TMEM132E: variants seen among roughly 807,000 people sequenced by gnomAD.
TMEM132E encodes the protein transmembrane protein 132E.
Under a neutral mutation model 78.5 loss-of-function variants are expected in TMEM132E, and 49 were observed. The observed-to-expected ratio is 0.62, with a 90% CI of 0.50 to 0.79. TMEM132E has a LOEUF of 0.79. TMEM132E is among the 30% of genes least tolerant of loss of function. TMEM132E has a pLI of 0.00. For synonymous variants in TMEM132E, 715 were observed against 670.6 expected (o/e 1.07, Z -1.02); for missense variants, 1,403 against 1,470.9 (o/e 0.95, Z 0.75).
chr17:34,608,822 T>G (rs1351092901), intron 1 of TMEM132E, among the ~76,000 whole-genome samples: 1 of 152,190 alleles, frequency 6.6e-6, no homozygotes, highest in East Asian at 1.9e-4. Context: ...TGTGGCCTCA[T>G]AGGGAACCTC....
intron 3 of TMEM132E, 88 bp from the exon 4 acceptor site, chr17:34,628,922 AGG>A: frequency 6.9e-7 from 1 of 1,450,464 alleles, no homozygotes; most frequent in Non-Finnish European, 9.3e-7. Context: ...GCTGCCGGGG[AGG>A]GGTGGGGTCC....
At chr17:34,617,577 C>T (rs1906824133) in intron 1 of TMEM132E, among the ~76,000 whole-genome samples, 1 of 152,184 alleles carries the variant, frequency 6.6e-6, no homozygotes, top group Non-Finnish European at 1.5e-5. Context: ...ACCAAGCGAG[C>T]AATTTGCTTA....
intron 1 of TMEM132E, among the ~76,000 whole-genome samples, chr17:34,618,468 G>A (rs940414058): frequency 6.6e-6 from 1 of 151,030 alleles, no homozygotes; most frequent in Non-Finnish European, 1.5e-5. Flanking sequence ...CTGGTCTCAA[G>A]CGATCCTCCC....
chr17:34,589,768 G>T (rs963908788), intron 1 of TMEM132E, among the ~76,000 whole-genome samples: 2 of 152,122 alleles, frequency 1.3e-5, no homozygotes, highest in Non-Finnish European at 2.9e-5. Flanking sequence ...ACCGCATGAC[G>T]GCTGCAGCCC....
chr17:34,614,990 C>G (rs1906729607), intron 1 of TMEM132E, among the ~76,000 whole-genome samples: 1 of 152,172 alleles, frequency 6.6e-6, no homozygotes, highest in African/African-American at 2.4e-5. Flanking sequence ...TTGGCCTCCT[C>G]TTGGGATTGC....
chr17:34,626,507 G>C lies in TMEM132E; in HGVS notation c.448G>C (p.Gly150Arg). 6.2e-7 allele frequency: 1 copy of C among 1,609,478 alleles called. No homozygotes were observed. Among genetic ancestry groups the C allele is most frequent in the Non-Finnish European group, 8.5e-7 (1 of 1,179,404 alleles). The change falls in exon 2 of 9, where the codon GGC becomes CGC. Residue 150 changes from glycine to arginine, a missense_variant. Physicochemically the swap from Gly to Arg is moderately radical, Grantham distance 125 (BLOSUM62 -2). Transcript: ENST00000631683. ...GGTCCAGGTGCTGTTCTACGTAGCC[G>C]GCCGGGACTGGGACGACTTCGGCGT... ...PVVQVLFYVA[G>R]RDWDDFGVTE...
At position 34,626,978 on chromosome 17, in the gene TMEM132E, G is replaced by A; in HGVS notation, c.919G>A (p.Glu307Lys). The change falls in exon 2 of 9, where the codon GAA (glutamate) becomes AAA (lysine). Residue 307 changes from glutamate to lysine, a missense_variant. Transcript: ENST00000631683. ...RLPDRPLKPG[E>K]VLSILLYLAP... ...GCCAGACCGGCCCCTCAAGCCCGGG[G>A]AAGTGCTCAGCATCCTCCTCTATCT... The A allele has an allele frequency of 6.2e-7, 1 of 1,613,968 alleles. No homozygotes were observed. The highest frequency in any genetic ancestry group is 1.1e-5 in the South Asian group (1 of 91,088).
chr17:34,638,255 G>GGC lies in TMEM132E; in HGVS notation c.*23_*24insGC, dbSNP rs1369188756. On this transcript the variant is annotated 3_prime_UTR_variant, in exon 9 of 9. Coordinates refer to ENST00000631683, the MANE Select transcript of TMEM132E (RefSeq NM_001304438.2). ...TAGAGGCGCCAGCCGGAGTAGCAGG[G>GGC]ACCCCCCCCCCCAACGGGGTCAGCT... 5.5e-6 allele frequency: 8 copies of GGC among 1,461,534 alleles called. No individual in the cohort carries two copies. The South Asian group carries it at 7.3e-5, about 13-fold the overall frequency. The allele number at this position is 1,461,534 out of a possible 1,614,324, so 90.5% of individuals were successfully genotyped here. A position where few individuals can be genotyped will look rare whatever the true frequency, so the allele number is the denominator to read the frequency against.
chr17:34,610,983 C>A (rs1308802787), intron 1 of TMEM132E, among the ~76,000 whole-genome samples: 3 of 152,218 alleles, frequency 2.0e-5, no homozygotes, highest in African/African-American at 7.2e-5. Flanking sequence ...AAACCTAGAT[C>A]AAATCCAGTG....
rs553628300 is a variant in TMEM132E, at chr17:34,626,201, C to A, written c.142C>A (p.Arg48Ser). 28 of 1,572,552 alleles carry A rather than the reference C, an allele frequency of 1.8e-5. No homozygotes were observed. In the African/African-American group the frequency reaches 3.6e-4, roughly 20 times the overall value. The change falls in exon 2 of 9, where the codon CGC becomes AGC. Residue 48 changes from arginine (R) to serine (S), a missense_variant. By Grantham distance (110) the Arg-to-Ser change is moderately radical. Around this residue, in one of 3 missense-constraint regions of TMEM132E, gnomAD observed 511 missense variants for 499.0 expected, o/e 1.02. Transcript: ENST00000631683. ...QASPVLPVSY[R>S]LSHTRLAFFL... ...CAGCCCGGTGCTGCCAGTCAGCTAC[C>A]GCCTGTCGCACACGCGGCTGGCCTT...
chr17:34,590,455 A>G (rs1322517253), intron 1 of TMEM132E, among the ~76,000 whole-genome samples: 1 of 152,232 alleles, frequency 6.6e-6, no homozygotes, highest in East Asian at 1.9e-4. Flanking sequence ...TTGTGGAGGA[A>G]GAGGGAGAAA....
rs139589417 is a variant in TMEM132E at position 34,618,334 on chromosome 17, C to T, written c.68-7793C>T. Among the ~76,000 whole-genome samples the T allele has an allele frequency of 7.1e-3, 1,083 of 151,926 alleles. 12 individuals carry two copies. Among genetic ancestry groups the T allele is most frequent in the African/African-American group, 0.024 (1,012 of 41,412 alleles). The stretch of plus-strand genomic sequence containing the variant: ...CTCACTGCAGCCTTGAACTTCTGGG[C>T]TCAAGTGATCCTCCTGTCTCAGCCT... On this transcript the variant is annotated intron_variant, in intron 1 of 8. Coordinates refer to ENST00000631683, the MANE Select transcript of TMEM132E (RefSeq NM_001304438.2).
At chr17:34,624,901 C>A (rs1453553101) in intron 1 of TMEM132E, among the ~76,000 whole-genome samples, 1 of 152,196 alleles carries the variant, frequency 6.6e-6, no homozygotes, top group African/African-American at 2.4e-5. Context: ...GCGAGACCAG[C>A]ATTACTGTTA....
At chr17:34,603,800 T>C (rs925872565) in intron 1 of TMEM132E, among the ~76,000 whole-genome samples, 2 of 152,312 alleles carry the variant, frequency 1.3e-5, no homozygotes, top group Middle Eastern at 3.4e-3. Flanking sequence ...TCCCTGGCCA[T>C]CTCAGCCATA....
intron 1 of TMEM132E, among the ~76,000 whole-genome samples, chr17:34,613,709 G>A (rs1906688618): frequency 1.3e-5 from 2 of 151,682 alleles, no homozygotes; most frequent in African/African-American, 2.4e-5. Context: ...GCCTTATTGC[G>A]GGGGTCTCTC....
chr17:34,615,517 ATG>A (rs3048841), intron 1 of TMEM132E, among the ~76,000 whole-genome samples: 1,786 of 140,734 alleles, frequency 0.013, 13 homozygotes, highest in South Asian at 0.029. Flanking sequence ...ACTGGCACAG[ATG>A]TGTGTGTGTG....
At chr17:34,631,643 A>T (rs1175113679) in intron 5 of TMEM132E, among the ~76,000 whole-genome samples, 1 of 151,528 alleles carries the variant, frequency 6.6e-6, no homozygotes, top group Admixed American at 6.6e-5. Context: ...CCCTCCACCC[A>T]CCCCTCTGAG....
At chr17:34,610,149 C>A (rs917338741) in intron 1 of TMEM132E, among the ~76,000 whole-genome samples, 4 of 152,210 alleles carry the variant, frequency 2.6e-5, no homozygotes, top group African/African-American at 9.6e-5. Flanking sequence ...CTCTGCACTT[C>A]TCCGAAGCCT....
chr17:34,616,599 G>A (rs1906786611), intron 1 of TMEM132E, among the ~76,000 whole-genome samples: 1 of 152,234 alleles, frequency 6.6e-6, no homozygotes, highest in Admixed American at 6.5e-5. Flanking sequence ...CCTCCAGGTT[G>A]ATGAGGGAGA....
Sources: gnomAD v4.1 joint callset for allele counts (sites outside exome capture counted in the v4.1 genomes callset) on GRCh38, gnomAD v4.1.1 for gene constraint, gnomAD v4.1.1 regional missense constraint, MANE v1.5 for transcripts, NCBI Gene and HGNC (gene_info 2026-07-23, HGNC 2026-07-21) for gene names.